The following SHE variants were observed in gnomAD, a reference collection of about 807,000 sequenced individuals.
SHE encodes the protein SH2 domain-containing adapter protein E.
Under a neutral mutation model 49.8 loss-of-function variants are expected in SHE, and 11 were observed. The ratio of observed to expected loss-of-function variants is 0.22; its 90% CI spans 0.14 to 0.37. The LOEUF is 0.37. SHE is among the 10% of genes least tolerant of loss of function. The probability of loss-of-function intolerance (pLI) is 1.00; values close to 1 mark genes in which losing one functional copy is unlikely to be tolerated. For synonymous variants in SHE, 310 were observed against 278.1 expected (o/e 1.11, Z -1.14); for missense variants, 624 against 655.5 (o/e 0.95, Z 0.52).
rs1302246871 is a variant in SHE, at chr1:154,483,301, T to C, written c.*848A>G. 6.1e-6 allele frequency: 6 copies of C among 985,296 alleles called. No individual in the cohort carries two copies. The highest frequency in any genetic ancestry group is 7.2e-6 in the Non-Finnish European group (6 of 829,928). 61.0% of individuals were successfully genotyped at this position (985,296 alleles called of 1,614,324 possible). ...ATAATCCTTAGGCCACACTCTGAAG[T>C]TGCGGATTTCCATGAACTCCAGAGC... On this transcript the variant is annotated 3_prime_UTR_variant, in exon 6 of 6. Coordinates refer to ENST00000304760, the MANE Select transcript of SHE (RefSeq NM_001010846.3).
At chr1:154,494,966 C>G (rs906949507) in intron 2 of SHE, among the ~76,000 whole-genome samples, 1 of 152,218 alleles carries the variant, frequency 6.6e-6, no homozygotes, top group African/African-American at 2.4e-5. Context: ...GCAGGAGAAT[C>G]ACTTGAACCT....
intron 2 of SHE, among the ~76,000 whole-genome samples, 187 bp from the exon 3 acceptor site, chr1:154,489,543 A>C (rs1260950166): frequency 6.6e-6 from 1 of 152,238 alleles, no homozygotes; most frequent in Non-Finnish European, 1.5e-5. Context: ...TACAAAAGCA[A>C]AATGAAGGTG....
At chr1:154,500,447 A>G (rs1361782268) in intron 1 of SHE, among the ~76,000 whole-genome samples, 1 of 152,206 alleles carries the variant, frequency 6.6e-6, no homozygotes, top group Non-Finnish European at 1.5e-5. Context: ...GAAGTGCCCA[A>G]TGCAGACATA....
intron 2 of SHE, among the ~76,000 whole-genome samples, chr1:154,495,215 C>T (rs139563667): frequency 7.2e-4 from 110 of 152,232 alleles, no homozygotes; most frequent in Admixed American, 4.6e-3. Flanking sequence ...AAGACCTGTC[C>T]GATGCTAATG....
chr1:154,489,175 C>A lies in SHE; in HGVS notation c.900G>T (p.Gly300=), dbSNP rs1692285182. 1 of 1,614,044 alleles carries A rather than the reference C, an allele frequency of 6.2e-7. No individual in the cohort carries two copies. Among genetic ancestry groups the A allele is most frequent in the Non-Finnish European group, 8.5e-7 (1 of 1,180,030 alleles). ...YDTPYEPAEG[G]PRAEGKARPP... is the part of the protein sequence containing the mutation. ...GCCGCGCCTTCCCCTCTGCCCTGGG[C>A]CCCCCTTCTGCAGGCTCGTAGGGAG... The change falls in exon 3 of 6, where the codon GGG becomes GGT. Residue 300 remains glycine (G), a synonymous_variant. Coordinates refer to ENST00000304760, the MANE Select transcript of SHE (RefSeq NM_001010846.3).
At chr1:154,477,490 G>A (rs1691905935), downstream of SHE, among the ~76,000 whole-genome samples, 1 of 152,118 alleles carries the variant, frequency 6.6e-6, no homozygotes, top group African/African-American at 2.4e-5. Context: ...ACAGGCATAA[G>A]CCACTACACT....
chr1:154,484,230 G>A lies in SHE; in HGVS notation c.1407C>T (p.His469=). ...AAGGCAACTTTTCATTGGAATAATA[G>A]TGTACCACTTCAGGGATGCTGTCAA... ...AVFDSIPEVV[H]YYSNEKLPFK... The change falls in exon 6 of 6, where the codon CAC becomes CAT. Residue 469 remains histidine, a synonymous_variant. Coordinates refer to ENST00000304760, the MANE Select transcript of SHE (RefSeq NM_001010846.3). 6.2e-7 allele frequency: 1 copy of A among 1,614,198 alleles called. No individual in the cohort carries two copies. Among genetic ancestry groups the A allele is most frequent in the Non-Finnish European group, 8.5e-7 (1 of 1,180,046 alleles).
chr1:154,480,503 A>G lies in SHE; in HGVS notation c.*3646T>C. On this transcript the variant is annotated 3_prime_UTR_variant, in exon 6 of 6. Transcript: ENST00000304760. ...TACATAATCCAATTAACAAATTAGGACAATTTCCCACCACCTGCCTCAAAA... is the reference window on the plus strand; with the variant it reads ...TACATAATCCAATTAACAAATTAGGGCAATTTCCCACCACCTGCCTCAAAA... 6 of 985,494 alleles carry G rather than the reference A, an allele frequency of 6.1e-6. No homozygotes were observed. Among genetic ancestry groups the G allele is most frequent in the Non-Finnish European group, 7.2e-6 (6 of 829,928 alleles). The allele number at this position is 985,494 out of a possible 1,614,324, so 61.0% of individuals were successfully genotyped here.
chr1:154,483,870 A>G lies in SHE; in HGVS notation c.*279T>C, dbSNP rs1692090544. ...AAAATTAGCTGGGAGTGGTGGTGCG[A>G]ACCTATAGTCCCACCTACTTGGGAG... On this transcript the variant is annotated 3_prime_UTR_variant, in exon 6 of 6. Coordinates refer to ENST00000304760, the MANE Select transcript of SHE (RefSeq NM_001010846.3). 3.1e-6 allele frequency: 3 copies of G among 959,992 alleles called. No homozygotes were observed. In the African/African-American group the frequency reaches 5.1e-5, roughly 16 times the overall value. 59.5% of individuals were successfully genotyped at this position (959,992 alleles called of 1,614,324 possible).
rs765529660 is a variant in SHE at position 154,484,096 on chromosome 1, G to A, written c.*53C>T. The stretch of plus-strand genomic sequence containing the variant: ...TTGTCCTCTGAGATGCTGGTTGTGC[G>A]CTGATGATGCCCTTGAAGGTGCCAG... On this transcript the variant is annotated 3_prime_UTR_variant, in exon 6 of 6. Coordinates refer to ENST00000304760, the MANE Select transcript of SHE (RefSeq NM_001010846.3). The A allele has an allele frequency of 3.1e-5, 49 of 1,579,424 alleles. No individual in the cohort carries two copies. The highest frequency in any genetic ancestry group is 1.0e-4 in the Admixed American group (6 of 57,948).
At chr1:154,488,870 C>T (rs1692267836) in intron 3 of SHE, among the ~76,000 whole-genome samples, 181 bp downstream of exon 3, 1 of 152,232 alleles carries the variant, frequency 6.6e-6, no homozygotes, top group Non-Finnish European at 1.5e-5. Context: ...CAGGCGCAAG[C>T]CACCGTGCCC....
intron 3 of SHE, 120 bp downstream of exon 3, chr1:154,488,931 T>C: frequency 1.5e-6 from 2 of 1,318,144 alleles, no homozygotes; most frequent in Non-Finnish European, 2.0e-6. Context: ...CCAAAACAGT[T>C]GCACATTGAG....
At chr1:154,498,757 T>C (rs1692615182) in intron 2 of SHE, among the ~76,000 whole-genome samples, 1 of 152,196 alleles carries the variant, frequency 6.6e-6, no homozygotes, top group Non-Finnish European at 1.5e-5. Flanking sequence ...TGGTAAGATG[T>C]ATGACTCCCA....
In SHE at chr1:154,480,028, A is replaced by C. The variant is rs192715989; in HGVS notation, c.*4121T>G. 1.0e-6 allele frequency: 1 copy of C among 985,458 alleles called. No individual in the cohort carries two copies. The allele number at this position is 985,458 out of a possible 1,614,324, so 61.0% of individuals were successfully genotyped here. ...TCCCATTAGATGGCAGTAACGCACC[A>C]TCTCTCTTCACACAGGGTCAGCGGT... is the stretch of plus-strand genomic sequence containing the variant. On this transcript the variant is annotated 3_prime_UTR_variant, in exon 6 of 6. Coordinates refer to ENST00000304760, the MANE Select transcript of SHE (RefSeq NM_001010846.3).
rs770088225 is a variant in SHE at position 154,486,073 on chromosome 1, G to C, written c.1182-11C>G. 2 of 1,608,890 alleles carry C rather than the reference G, an allele frequency of 1.2e-6. No homozygotes were observed. Among genetic ancestry groups the C allele is most frequent in the Non-Finnish European group, 1.7e-6 (2 of 1,175,750 alleles). ...GCACCATGATACCAGCTGAAAAATG[G>C]GGGTGGAAGAGGGGAAAGCACCATG... On this transcript the variant is annotated splice_polypyrimidine_tract_variant and intron_variant, in intron 4 of 5. Transcript: ENST00000304760.
chr1:154,476,666 C>A (rs1691883547), downstream of SHE, among the ~76,000 whole-genome samples: 2 of 151,640 alleles, frequency 1.3e-5, no homozygotes, highest in South Asian at 4.2e-4. Context: ...ATAATCCATA[C>A]CGTCTCAGAA....
At chr1:154,478,509 G>C (rs927873958), downstream of SHE, among the ~76,000 whole-genome samples, 4 of 149,516 alleles carry the variant, frequency 2.7e-5, no homozygotes, top group African/African-American at 9.9e-5. Context: ...ACTGACCCAA[G>C]ACAAGTTATT....
chr1:154,490,633 A>G (rs1465870640), intron 2 of SHE, among the ~76,000 whole-genome samples: 1 of 152,202 alleles, frequency 6.6e-6, no homozygotes, highest in African/African-American at 2.4e-5. Flanking sequence ...TGGGGAGCTG[A>G]GAGATGGGTC....
chr1:154,473,123 C>G (rs990112408), intron 1 of SHE, among the ~76,000 whole-genome samples: 1 of 151,896 alleles, frequency 6.6e-6, no homozygotes, highest in Admixed American at 6.6e-5. Context: ...CTCAGCCTCC[C>G]GAGTAGCTGG....
Sources: allele counts gnomAD v4.1 joint callset (sites outside exome capture counted in the v4.1 genomes callset), GRCh38; gene constraint gnomAD v4.1.1; transcripts MANE v1.5; gene names NCBI Gene and HGNC (gene_info 2026-07-23, HGNC 2026-07-21).